ADARB2: variants seen among roughly 807,000 people sequenced by gnomAD.
ADARB2 encodes inactive double-stranded RNA-specific editase B2.
In ADARB2, 25 loss-of-function variants were observed where a neutral mutation model predicts 62.2. The ratio of observed to expected loss-of-function variants is 0.40; its 90% CI spans 0.29 to 0.56. ADARB2 has a LOEUF of 0.56. Ranked by LOEUF, ADARB2 falls within the 20% of genes least tolerant of loss-of-function variation. ADARB2 has a pLI of 0.43. For synonymous variants in ADARB2, 572 were observed against 500.8 expected, an observed-to-expected ratio of 1.14 and a Z score of -1.90; for missense variants, 1,071 against 1,077.4, an observed-to-expected ratio of 0.99 and a Z score of 0.08.
At chr10:1,489,684 T>A (rs2131930758) in intron 1 of ADARB2, among the ~76,000 whole-genome samples, 1 of 152,314 alleles carries the variant, frequency 6.6e-6, no homozygotes, top group South Asian at 2.1e-4. Flanking sequence ...ACCTGCCTGG[T>A]CTTTAGGTAA....
At chr10:1,444,160 A>G (rs1830934058) in intron 1 of ADARB2, among the ~76,000 whole-genome samples, 1 of 151,192 alleles carries the variant, frequency 6.6e-6, no homozygotes, top group African/African-American at 2.4e-5. Flanking sequence ...TCATCCATCC[A>G]TCCACCCACC....
intron 1 of ADARB2, among the ~76,000 whole-genome samples, chr10:1,657,991 CTCTT>C (rs1210261404): frequency 6.6e-6 from 1 of 151,638 alleles, no homozygotes; most frequent in South Asian, 2.1e-4. Context: ...GTCTCTCTCT[CTCTT>C]TCTGTGTCTC....
chr10:1,691,338 A>G (rs1160812169), intron 1 of ADARB2, among the ~76,000 whole-genome samples: 1 of 152,080 alleles, frequency 6.6e-6, no homozygotes, highest in East Asian at 1.9e-4. Flanking sequence ...GAGAAAATGC[A>G]TTTGCATTGG....
chr10:1,595,908 T>C (rs1432048245), intron 1 of ADARB2, among the ~76,000 whole-genome samples: 1 of 152,238 alleles, frequency 6.6e-6, no homozygotes, highest in African/African-American at 2.4e-5. Flanking sequence ...GTAAATGTGC[T>C]GTGTTCCACA....
chr10:1,579,905 C>T (rs1263056175), intron 1 of ADARB2, among the ~76,000 whole-genome samples: 5 of 152,280 alleles, frequency 3.3e-5, no homozygotes, highest in African/African-American at 9.6e-5. Flanking sequence ...TGCCTGGTGT[C>T]TCTAGCAGCC....
At chr10:1,213,868 C>G (rs987463223) in intron 7 of ADARB2, among the ~76,000 whole-genome samples, 4 of 151,888 alleles carry the variant, frequency 2.6e-5, no homozygotes, top group Admixed American at 6.6e-5. Flanking sequence ...CTGTGTCCAG[C>G]ATCTCGTGGG....
chr10:1,225,566 T>C (rs2131762579), intron 6 of ADARB2, among the ~76,000 whole-genome samples: 1 of 152,340 alleles, frequency 6.6e-6, no homozygotes, highest in East Asian at 1.9e-4. Flanking sequence ...TTCCTTTCCA[T>C]GTTTAGTGCT....
At chr10:1,244,045 G>A (rs1830953785) in intron 4 of ADARB2, among the ~76,000 whole-genome samples, 1 of 152,236 alleles carries the variant, frequency 6.6e-6, no homozygotes, top group Non-Finnish European at 1.5e-5. Flanking sequence ...CCAGGTCCAG[G>A]CCTCCTCCTC....
intron 1 of ADARB2, among the ~76,000 whole-genome samples, chr10:1,444,873 A>C (rs1830949324): frequency 7.6e-6 from 1 of 132,064 alleles, no homozygotes; most frequent in African/African-American, 3.0e-5. Flanking sequence ...ACATCCATCC[A>C]TCTATCCATC....
intron 1 of ADARB2, among the ~76,000 whole-genome samples, chr10:1,647,576 TGTGTGTATA>T (rs1453550599): frequency 4.6e-5 from 7 of 152,236 alleles, no homozygotes; most frequent in Middle Eastern, 6.8e-3. Flanking sequence ...TGCATGTATG[TGTGTGTATA>T]GTGTGTGTAT....
chr10:1,586,243 C>T (rs1833179276), intron 1 of ADARB2, among the ~76,000 whole-genome samples: 2 of 152,136 alleles, frequency 1.3e-5, no homozygotes, highest in South Asian at 4.1e-4. Context: ...CAACAAACAG[C>T]CACAAAAAGT....
intron 1 of ADARB2, among the ~76,000 whole-genome samples, chr10:1,444,763 T>C (rs908223986): frequency 3.4e-4 from 49 of 143,198 alleles, no homozygotes; most frequent in African/African-American, 1.3e-3. Context: ...CATCTATCCA[T>C]CCATTCACCA....
intron 1 of ADARB2, among the ~76,000 whole-genome samples, chr10:1,636,264 C>A (rs1380589119): frequency 6.6e-6 from 1 of 152,194 alleles, no homozygotes; most frequent in Non-Finnish European, 1.5e-5. Context: ...CGCCTGTAAT[C>A]CCAATACTTT....
chr10:1,289,713 G>C (rs540442767), intron 3 of ADARB2, among the ~76,000 whole-genome samples: 1 of 152,234 alleles, frequency 6.6e-6, no homozygotes, highest in South Asian at 2.1e-4. Context: ...CTCATACCAC[G>C]CATTGCTGCT....
intron 5 of ADARB2, among the ~76,000 whole-genome samples, chr10:1,241,368 A>G (rs964896892): frequency 6.6e-6 from 1 of 152,192 alleles, no homozygotes; most frequent in Non-Finnish European, 1.5e-5. Context: ...GCTAATGGGC[A>G]TGGAGATGAC....
intron 1 of ADARB2, among the ~76,000 whole-genome samples, chr10:1,486,146 G>A (rs1180072991): frequency 6.6e-6 from 1 of 151,950 alleles, no homozygotes; most frequent in Non-Finnish European, 1.5e-5. Context: ...AAGCTCTACT[G>A]TAAACCTCGT....
chr10:1,545,905 T>C (rs1832512066), intron 1 of ADARB2, among the ~76,000 whole-genome samples: 1 of 152,134 alleles, frequency 6.6e-6, no homozygotes, highest in African/African-American at 2.4e-5. Flanking sequence ...AACAGTCCCA[T>C]AGCTTTTTGA....
chr10:1,185,398 A>G (rs1405657167), intron 8 of ADARB2, among the ~76,000 whole-genome samples: 1 of 152,154 alleles, frequency 6.6e-6, no homozygotes, highest in Admixed American at 6.5e-5. Flanking sequence ...TTTATCAGGC[A>G]CCTTTGCAGG....
chr10:1,265,834 G>A (rs553893850), intron 4 of ADARB2, among the ~76,000 whole-genome samples: 79 of 134,074 alleles, frequency 5.9e-4, no homozygotes, highest in African/African-American at 2.2e-3. Context: ...AGGGTCCCCC[G>A]GAAGACGGCC....
Sources: gnomAD v4.1 joint callset for allele counts (sites outside exome capture counted in the v4.1 genomes callset) on GRCh38, gnomAD v4.1.1 for gene constraint, MANE v1.5 for transcripts, NCBI Gene and HGNC (gene_info 2026-07-23, HGNC 2026-07-21) for gene names.